Variants in MYLK observed in about 807,000 individuals in gnomAD.
MYLK encodes the protein myosin light chain kinase.
Under a neutral mutation model 203.4 loss-of-function variants are expected in MYLK, and 106 were observed. The ratio of observed to expected loss-of-function variants is 0.52; its 90% CI spans 0.45 to 0.61. The LOEUF is 0.61. Among genes scored for constraint, MYLK ranks in the 20% least tolerant of loss-of-function variants. MYLK has a pLI of 0.00. For missense variants in MYLK, 2,072 were observed against 2,442.3 expected, an observed-to-expected ratio of 0.85 and a Z score of 3.20; for synonymous variants, 867 against 959.5, an observed-to-expected ratio of 0.90 and a Z score of 1.78.
rs989240636 is a variant in MYLK at position 123,737,623 on chromosome 3, A to C, written c.589-80T>G. 9 of 1,575,694 alleles carry C rather than the reference A, an allele frequency of 5.7e-6. No individual in the cohort carries two copies. In the African/African-American group the frequency reaches 1.1e-4, roughly 19 times the overall value. ...TGTCCTCCTGCCTCCTGCCAATCCT[A>C]GTGGGATAGACTCCAGGGCCTGGGC... On this transcript the variant is annotated intron_variant, in intron 7 of 33. Coordinates refer to ENST00000360304, the MANE Select transcript of MYLK (RefSeq NM_053025.4).
chr3:123,837,242 G>A (rs911031645), intron 2 of MYLK, among the ~76,000 whole-genome samples: 1 of 152,166 alleles, frequency 6.6e-6, no homozygotes, highest in East Asian at 1.9e-4. Flanking sequence ...ATGTTGGTCA[G>A]GCTGGTCTCA....
chr3:123,882,497 C>T (rs1457096292), intron 1 of MYLK, among the ~76,000 whole-genome samples: 2 of 152,218 alleles, frequency 1.3e-5, no homozygotes, highest in Non-Finnish European at 2.9e-5. Flanking sequence ...CCAGTTATTA[C>T]ACAAAAGAAA....
At chr3:123,789,468 C>T (rs953698043) in intron 4 of MYLK, among the ~76,000 whole-genome samples, 10 of 151,932 alleles carry the variant, frequency 6.6e-5, no homozygotes, top group African/African-American at 2.2e-4. Context: ...CTCCGGTGGG[C>T]GTATCCCTTG....
intron 2 of MYLK, among the ~76,000 whole-genome samples, chr3:123,850,645 C>T (rs954844938): frequency 2.0e-5 from 3 of 152,078 alleles, no homozygotes; most frequent in Non-Finnish European, 2.9e-5. Context: ...TGGATATTAG[C>T]CCTTTGTCAG....
chr3:123,687,725 A>G (rs1478227131), intron 19 of MYLK, among the ~76,000 whole-genome samples: 1 of 149,732 alleles, frequency 6.7e-6, no homozygotes, highest in Non-Finnish European at 1.5e-5. Flanking sequence ...AGGCTGGAGT[A>G]CCGTGGTACA....
intron 2 of MYLK, among the ~76,000 whole-genome samples, chr3:123,844,825 T>G (rs1253999512): frequency 4.3e-4 from 2 of 4,602 alleles, no homozygotes; most frequent in African/African-American, 1.8e-3. Context: ...CTCAGTTGTT[T>G]TTTTTTTTTT....
intron 2 of MYLK, among the ~76,000 whole-genome samples, chr3:123,850,529 G>C (rs935083654): frequency 9.2e-5 from 14 of 152,290 alleles, no homozygotes; most frequent in African/African-American, 3.4e-4. Context: ...TCTTTTGGCT[G>C]CATAAATGTC....
chr3:123,832,821 TCTA>T (rs1372489195), intron 2 of MYLK, among the ~76,000 whole-genome samples: 1 of 152,160 alleles, frequency 6.6e-6, no homozygotes, highest in East Asian at 1.9e-4. Context: ...GAAAAAAAAT[TCTA>T]CTATTTGTAA....
chr3:123,849,461 T>C (rs1265129678), intron 2 of MYLK, among the ~76,000 whole-genome samples: 1 of 152,176 alleles, frequency 6.6e-6, no homozygotes, highest in Non-Finnish European at 1.5e-5. Context: ...CTCTAAATTT[T>C]GGGGTGGTTT....
intron 27 of MYLK, among the ~76,000 whole-genome samples, chr3:123,641,394 C>T (rs1209771903): frequency 6.6e-6 from 1 of 152,162 alleles, no homozygotes; most frequent in Non-Finnish European, 1.5e-5. Context: ...GTAACTTATG[C>T]AGCACCCAGA....
intron 33 of MYLK, chr3:123,617,225 A>G (rs1266081271): frequency 1.3e-5 from 2 of 152,196 alleles, no homozygotes; most frequent in Non-Finnish European, 2.9e-5. Flanking sequence ...AACAATTCCA[A>G]AGAGAAAATT....
At chr3:123,737,318 T>C (rs1209963876) in intron 8 of MYLK, 60 bp downstream of exon 8, 5 of 1,610,754 alleles carry the variant, frequency 3.1e-6, no homozygotes, top group Middle Eastern at 3.3e-4. Context: ...AAGCAGCTCC[T>C]CTAGGAGGGT....
chr3:123,619,031 A>G (rs1356294474), intron 32 of MYLK, among the ~76,000 whole-genome samples: 1 of 152,178 alleles, frequency 6.6e-6, no homozygotes, highest in Non-Finnish European at 1.5e-5. Flanking sequence ...GAAAGAGGAA[A>G]TCATCTTTAA....
intron 13 of MYLK, among the ~76,000 whole-genome samples, chr3:123,719,145 C>T (rs865830942): frequency 2.0e-5 from 3 of 152,186 alleles, no homozygotes; most frequent in South Asian, 4.1e-4. Context: ...TGCAAAATCT[C>T]GGCAAAAGGC....
intron 3 of MYLK, among the ~76,000 whole-genome samples, chr3:123,813,697 G>T (rs186535046): frequency 2.6e-5 from 4 of 152,152 alleles, no homozygotes; most frequent in African/African-American, 9.6e-5. Context: ...TTTTAGTAGA[G>T]ACGGGGTTTC....
intron 31 of MYLK, chr3:123,623,614 CAG>C (rs1240331909): frequency 1.3e-5 from 2 of 152,164 alleles, no homozygotes; most frequent in Admixed American, 6.5e-5. Context: ...TTCTCTGGCA[CAG>C]CTGCAGAGAG....
rs149866482 is a variant in MYLK, at chr3:123,620,273, T to C, written c.5302A>G (p.Ser1768Gly). Residue 1768 changes from serine (S) to glycine (G), a missense_variant, in exon 32 of 34, where the codon AGT becomes GGT. This residue lies in a region of MYLK where 524 missense variants were observed against 782.4 expected (regional missense o/e 0.67). Transcript: ENST00000360304. ...GACCCTGTTGAGGATTTCCTGCCAC[T>C]GAGCCCTGAGATCATTGCCATAGAG... ...LSSMAMISGL[S>G]GRKSSTGSPT... The C allele has an allele frequency of 4.4e-5, 71 of 1,614,104 alleles. No individual in the cohort carries two copies. In the African/African-American group the frequency reaches 8.8e-4, roughly 20 times the overall value.
chr3:123,669,770 C>T (rs2059852070), intron 20 of MYLK, among the ~76,000 whole-genome samples: 1 of 152,068 alleles, frequency 6.6e-6, no homozygotes, highest in Non-Finnish European at 1.5e-5. Flanking sequence ...TGCATTGGCT[C>T]ACACCTGTAA....
chr3:123,695,215 C>T (rs989993916), intron 18 of MYLK, among the ~76,000 whole-genome samples: 3 of 152,244 alleles, frequency 2.0e-5, no homozygotes, highest in African/African-American at 7.2e-5. Flanking sequence ...ATCTCCAGGT[C>T]ACCCCTGCAG....
Sources: allele counts gnomAD v4.1 joint callset (sites outside exome capture counted in the v4.1 genomes callset), GRCh38; gene constraint gnomAD v4.1.1; regional missense constraint gnomAD v4.1.1; transcripts MANE v1.5; gene names NCBI Gene and HGNC (gene_info 2026-07-23, HGNC 2026-07-21).